CPLX2: variants seen among roughly 807,000 people sequenced by gnomAD.
CPLX2 encodes complexin 2, also known as complexin-2.
CPLX2 carries 5 observed loss-of-function variants against 16.3 expected under a neutral mutation model. That is an observed-to-expected ratio of 0.31 (90% CI 0.16 to 0.64). The LOEUF (loss-of-function observed/expected upper bound fraction) is 0.64, where lower values mean the gene tolerates loss of function less well. Ranked by LOEUF, CPLX2 falls within the 30% of genes least tolerant of loss-of-function variation. CPLX2 has a pLI of 0.79. For missense variants in CPLX2, 144 were observed against 181.4 expected, an observed-to-expected ratio of 0.79 and a Z score of 1.18; for synonymous variants, 89 against 73.2, an observed-to-expected ratio of 1.22 and a Z score of -1.10.
intron 2 of CPLX2, among the ~76,000 whole-genome samples, chr5:175,850,646 A>AG (rs771319846): frequency 1.3e-5 from 2 of 152,192 alleles, no homozygotes; most frequent in African/African-American, 2.4e-5. Context: ...GAAGTCCTGC[A>AG]GGGGAAGTCT....
intron 2 of CPLX2, among the ~76,000 whole-genome samples, chr5:175,858,575 C>T (rs777489681): frequency 2.2e-4 from 33 of 152,128 alleles, no homozygotes; most frequent in Admixed American, 1.8e-3. Context: ...ACCTGAGGGG[C>T]GAAGGAGGAG....
chr5:175,860,567 A>AAG (rs1759351201), intron 2 of CPLX2, among the ~76,000 whole-genome samples: 2 of 105,880 alleles, frequency 1.9e-5, no homozygotes, highest in Admixed American at 2.1e-4. Context: ...AAAGAAAAAG[A>AAG]AGGGAGGGAG....
chr5:175,843,066 T>C (rs1262862899), intron 2 of CPLX2, among the ~76,000 whole-genome samples: 4 of 152,154 alleles, frequency 2.6e-5, no homozygotes, highest in Admixed American at 1.3e-4. Context: ...TGAAGGAGGT[T>C]ACCAGCGAGA....
Position 175,819,820 on chromosome 5 carries a change from G to A in CPLX2, c.-89+10752G>A, listed in dbSNP as rs79700529. ...CAGAGAGGTGAAGGGCCTGCCCAAG[G>A]TCTCACAGAGGGTGCGGAGAGGACA... On this transcript the variant is annotated intron_variant, in intron 2 of 4. Coordinates refer to the CPLX2 transcript ENST00000359546. Among the ~76,000 whole-genome samples the A allele has an allele frequency of 2.2e-3, 328 of 152,350 alleles. 2 individuals are homozygous for A. Among genetic ancestry groups the A allele is most frequent in the African/African-American group, 7.4e-3 (307 of 41,584 alleles).
intron 2 of CPLX2, among the ~76,000 whole-genome samples, chr5:175,851,733 C>G (rs1337381283): frequency 6.6e-6 from 1 of 152,224 alleles, no homozygotes. Context: ...TTTTGCCCTC[C>G]AGGGTTTAGG....
At chr5:175,824,157 T>C (rs1326995663) in intron 2 of CPLX2, among the ~76,000 whole-genome samples, 1 of 152,124 alleles carries the variant, frequency 6.6e-6, no homozygotes, top group African/African-American at 2.4e-5. Flanking sequence ...TTTCTTTCCC[T>C]CTTGACTTCA....
intron 2 of CPLX2, among the ~76,000 whole-genome samples, chr5:175,825,966 T>C (rs893225538): frequency 1.1e-5 from 1 of 90,268 alleles, no homozygotes; most frequent in African/African-American, 4.8e-5. Flanking sequence ...AAAAGCCTGG[T>C]AACTGGGGTG....
At chr5:175,865,831 G>C (rs1278171593) in intron 2 of CPLX2, among the ~76,000 whole-genome samples, 1 of 152,208 alleles carries the variant, frequency 6.6e-6, no homozygotes, top group East Asian at 1.9e-4. Flanking sequence ...TTTGGTTTGT[G>C]CCATGTGGGA....
intron 2 of CPLX2, chr5:175,861,554 C>G (rs114332849): frequency 1.3e-5 from 2 of 152,324 alleles, no homozygotes; most frequent in African/African-American, 4.8e-5. Context: ...GACAAAGGCC[C>G]AGTGGAGAGT....
rs1033219314 is a variant in CPLX2, at chr5:175,845,546, C to T, written c.-88-33106C>T. ...CCCCTAGAGTAACTGCCCCCATCTG[C>T]GTCACTGTGTGTTATTTTCTTCATA... is the stretch of plus-strand genomic sequence containing the variant. On this transcript the variant is annotated intron_variant, in intron 2 of 4. Coordinates refer to the CPLX2 transcript ENST00000359546. This position sits in a 1 kb window ranked among gnomAD's most constrained non-coding sequence, Gnocchi z 4.0. Among the ~76,000 whole-genome samples, 4 of 152,222 alleles carry T rather than the reference C, an allele frequency of 2.6e-5. No individual in the cohort carries two copies. The highest frequency in any genetic ancestry group is 4.4e-5 in the Non-Finnish European group (3 of 68,052).
Position 175,844,984 on chromosome 5 carries a change from G to A in CPLX2, c.-88-33668G>A, listed in dbSNP as rs1428906882. ...TAGCTACAGAACAGAGGCTCTGTGA[G>A]CTTTTGGCTGCCCCTCTGCCCAGAA... is the stretch of plus-strand genomic sequence containing the variant. On this transcript the variant is annotated intron_variant, in intron 2 of 4. Coordinates refer to the CPLX2 transcript ENST00000359546. Among the ~76,000 whole-genome samples, 6 of 152,212 alleles carry A rather than the reference G, an allele frequency of 3.9e-5. No individual in the cohort carries two copies. The East Asian group carries it at 1.2e-3, about 29-fold the overall frequency.
intron 2 of CPLX2, among the ~76,000 whole-genome samples, chr5:175,832,188 TG>T (rs1758746007): frequency 6.6e-6 from 1 of 152,074 alleles, no homozygotes; most frequent in Non-Finnish European, 1.5e-5. Context: ...CAGCAGGAGA[TG>T]GGGGTAGTTA....
upstream of CPLX2, among the ~76,000 whole-genome samples, chr5:175,870,213 C>A (rs746404918): frequency 6.6e-6 from 1 of 152,218 alleles, no homozygotes; most frequent in Non-Finnish European, 1.5e-5. Flanking sequence ...AAAGGAGGGG[C>A]CTTCCTTACA....
At chr5:175,804,881 T>C (rs1019967494) in intron 1 of CPLX2, among the ~76,000 whole-genome samples, 1 of 152,232 alleles carries the variant, frequency 6.6e-6, no homozygotes. Context: ...GAAGAGATCC[T>C]GAGGTGGACA....
chr5:175,836,707 C>T (rs1198946694), intron 2 of CPLX2, among the ~76,000 whole-genome samples: 1 of 152,218 alleles, frequency 6.6e-6, no homozygotes, highest in African/African-American at 2.4e-5. Flanking sequence ...TCAACTACCC[C>T]GTCCTCTGTC....
intron 2 of CPLX2, among the ~76,000 whole-genome samples, chr5:175,860,523 A>G: frequency 3.0e-4 from 10 of 33,548 alleles, no homozygotes; most frequent in African/African-American, 6.4e-4. Context: ...AGAAAAAGAA[A>G]GAAAGAAAGA....
chr5:175,866,286 C>T (rs1317287222), intron 2 of CPLX2, among the ~76,000 whole-genome samples: 1 of 152,078 alleles, frequency 6.6e-6, no homozygotes, highest in East Asian at 1.9e-4. Context: ...TCTTAATGGA[C>T]GGGTATATCC....
chr5:175,803,624 G>A (rs898589211), intron 1 of CPLX2, among the ~76,000 whole-genome samples: 5 of 152,220 alleles, frequency 3.3e-5, no homozygotes, highest in African/African-American at 4.8e-5. Context: ...CGGTGACAGC[G>A]GAAAGGCTGT....
At chr5:175,851,967 C>T (rs1759164569) in intron 2 of CPLX2, among the ~76,000 whole-genome samples, 1 of 152,216 alleles carries the variant, frequency 6.6e-6, no homozygotes, top group Admixed American at 6.5e-5. Flanking sequence ...CGGGCTATTT[C>T]TGCACCGTGT....
Sources: allele counts gnomAD v4.1 joint callset (sites outside exome capture counted in the v4.1 genomes callset), GRCh38; gene constraint gnomAD v4.1.1; non-coding constraint Gnocchi (gnomAD v3.1); transcripts MANE v1.5; gene names NCBI Gene and HGNC (gene_info 2026-07-23, HGNC 2026-07-21).